KIAA1671: variants seen among roughly 807,000 people sequenced by gnomAD.
The protein encoded by KIAA1671 is uncharacterized protein KIAA1671.
Under a neutral mutation model 131.2 loss-of-function variants are expected in KIAA1671, and 52 were observed. The observed-to-expected ratio is 0.40, with a 90% CI of 0.32 to 0.50. The LOEUF (loss-of-function observed/expected upper bound fraction) is 0.50, where lower values mean the gene tolerates loss of function less well. Ranked by LOEUF, KIAA1671 falls within the 20% of genes least tolerant of loss-of-function variation. The pLI is 0.73. For synonymous variants in KIAA1671, 1,003 were observed against 961.6 expected, an observed-to-expected ratio of 1.04 and a Z score of -0.80; for missense variants, 2,360 against 2,364.2, an observed-to-expected ratio of 1.00 and a Z score of 0.04.
chr22:25,022,104 A>G (rs1056705068), intron 1 of KIAA1671, among the ~76,000 whole-genome samples: 10 of 152,248 alleles, frequency 6.6e-5, no homozygotes, highest in Non-Finnish European at 1.2e-4. Context: ...GGCTCACTGC[A>G]CAGGATGGAT....
intron 9 of KIAA1671, among the ~76,000 whole-genome samples, chr22:25,180,927 C>T (rs1165080395): frequency 2.0e-5 from 3 of 152,204 alleles, no homozygotes; most frequent in East Asian, 1.9e-4. Context: ...CCAGCTGGAA[C>T]GTGGCAGCAG....
At chr22:25,015,848 T>A (rs1295391701) in intron 1 of KIAA1671, among the ~76,000 whole-genome samples, 1 of 151,848 alleles carries the variant, frequency 6.6e-6, no homozygotes, top group Non-Finnish European at 1.5e-5. Flanking sequence ...CTGATGGAAT[T>A]TACACAGGAG....
At chr22:24,993,108 CAGTTA>C (rs1004118326) in intron 1 of KIAA1671, among the ~76,000 whole-genome samples, 1 of 152,062 alleles carries the variant, frequency 6.6e-6, no homozygotes, top group Non-Finnish European at 1.5e-5. Flanking sequence ...TTGAAGCCAG[CAGTTA>C]TCACCTGGAT....
chr22:25,076,946 G>A (rs971366448), intron 6 of KIAA1671, among the ~76,000 whole-genome samples: 1 of 152,172 alleles, frequency 6.6e-6, no homozygotes, highest in Non-Finnish European at 1.5e-5. Flanking sequence ...GAAAGGCTAG[G>A]TATCTCCTCC....
chr22:25,093,840 C>CTCTCTCTCTT lies in KIAA1671; in HGVS notation c.4530+44485_4530+44486insTTCTCTCTCT, dbSNP rs1568951631. Among the ~76,000 whole-genome samples, 56 of 57,080 alleles carry CTCTCTCTCTT rather than the reference C, an allele frequency of 9.8e-4. 9 individuals carry two copies. The highest frequency in any genetic ancestry group is 2.2e-3 in the African/African-American group (39 of 17,414). The allele number at this position is 57,080 out of a possible 152,430, so 37.4% of individuals were successfully genotyped here. On this transcript the variant is annotated intron_variant, in intron 6 of 12. Coordinates refer to ENST00000358431, the MANE Select transcript of KIAA1671 (RefSeq NM_001145206.2). ...TCTCTCTCTTTCTCTCTCTGTCTGT[C>CTCTCTCTCTT]TCTCTCTCTCTCTCTCTCTCTCTCT...
chr22:24,976,171 C>A (rs935508691), intron 1 of KIAA1671, among the ~76,000 whole-genome samples: 1 of 152,210 alleles, frequency 6.6e-6, no homozygotes, highest in African/African-American at 2.4e-5. Context: ...GCACATCCCC[C>A]TGGGAAGGAT....
chr22:25,039,736 G>T lies in KIAA1671; in HGVS notation c.2606G>T (p.Ser869Ile), dbSNP rs1176021539. Residue 869 changes from serine to isoleucine, a missense_variant, in exon 5 of 13, where the codon AGC becomes ATC. By Grantham distance (142) the Ser-to-Ile change is moderately radical. Transcript: ENST00000358431. ...CATGAGGGGCCAGAGGGGGCCAGAA[G>T]CAAGCCAGGAGTGGGAGCAAGGGGC... ...SQHEGPEGAR[S>I]KPGVGARGPP... 6.7e-7 allele frequency: 1 copy of T among 1,501,736 alleles called. No individual in the cohort carries two copies. Among genetic ancestry groups the T allele is most frequent in the African/African-American group, 1.4e-5 (1 of 72,048 alleles). 93.0% of individuals were successfully genotyped at this position (1,501,736 alleles called of 1,614,324 possible). A position where few individuals can be genotyped will look rare whatever the true frequency, so the allele number is the denominator to read the frequency against.
chr22:25,023,690 C>G (rs1925791875), intron 1 of KIAA1671: 1 of 151,942 alleles, frequency 6.6e-6, no homozygotes, highest in Non-Finnish European at 1.5e-5. Context: ...TGCGGTGGCT[C>G]AATCCCAGCA....
intron 1 of KIAA1671, among the ~76,000 whole-genome samples, chr22:24,988,179 C>T (rs1046834919): frequency 3.3e-5 from 5 of 151,322 alleles, no homozygotes; most frequent in Admixed American, 2.0e-4. Context: ...ACTTGGGAGG[C>T]TGAGGCAGGA....
chr22:25,040,692 G>C lies in KIAA1671; in HGVS notation c.3562G>C (p.Gly1188Arg). The C allele has an allele frequency of 6.4e-7, 1 of 1,552,142 alleles. No homozygotes were observed. The highest frequency in any genetic ancestry group is 8.7e-7 in the Non-Finnish European group (1 of 1,147,086). The change falls in exon 5 of 13, where the codon GGT (glycine) becomes CGT (arginine). Residue 1188 changes from glycine to arginine, a missense_variant. Physicochemically the swap from Gly to Arg is moderately radical, Grantham distance 125. Coordinates refer to ENST00000358431, the MANE Select transcript of KIAA1671 (RefSeq NM_001145206.2). ...KTDVISDTFP[G>R]KIRDGYRSSV... ...TGATGTGATCAGTGACACGTTCCCA[G>C]GTAAAATCAGAGATGGCTACAGATC...
In KIAA1671 at chr22:25,178,242, G is replaced by A. The variant is rs560355225; in HGVS notation, c.5074+720G>A. ...GGAAAGAAGGAACTCAGCCCAGAGG[G>A]TGTGGGCAGGAGAGGCCTAGAGTCA... On this transcript the variant is annotated intron_variant, in intron 9 of 12. Transcript: ENST00000358431. Among the ~76,000 whole-genome samples, 169 of 152,290 alleles carry A rather than the reference G, an allele frequency of 1.1e-3. 2 individuals are homozygous for A. The South Asian group carries it at 0.029, about 26-fold the overall frequency.
At chr22:25,056,463 T>G (rs1372777534) in intron 6 of KIAA1671, 2 of 149,090 alleles carry the variant, frequency 1.3e-5, no homozygotes, top group Non-Finnish European at 3.0e-5. Context: ...TGGATTGACA[T>G]CTCCGTGCCT....
chr22:25,077,512 C>T lies in KIAA1671; in HGVS notation c.4530+28148C>T, dbSNP rs987997359. ...GCCCAGGGTCTGTGAGGCTGACTCTCGCAGGCTTCCTCTACTCCAGCCTCC... is the reference window on the plus strand; with the variant it reads ...GCCCAGGGTCTGTGAGGCTGACTCTTGCAGGCTTCCTCTACTCCAGCCTCC... On this transcript the variant is annotated intron_variant, in intron 6 of 12. Coordinates refer to ENST00000358431, the MANE Select transcript of KIAA1671 (RefSeq NM_001145206.2). 3.9e-5 allele frequency among the ~76,000 whole-genome samples: 6 copies of T among 152,218 alleles called. No homozygotes were observed. The South Asian group carries it at 6.2e-4, about 16-fold the overall frequency.
chr22:24,996,719 T>C (rs1924158754), intron 1 of KIAA1671, among the ~76,000 whole-genome samples: 1 of 152,150 alleles, frequency 6.6e-6, no homozygotes. Context: ...TCGTGTCCCT[T>C]GGAAGCCAGT....
intron 6 of KIAA1671, among the ~76,000 whole-genome samples, chr22:25,130,994 A>G (rs1355520796): frequency 6.6e-6 from 1 of 152,196 alleles, no homozygotes; most frequent in Non-Finnish European, 1.5e-5. Flanking sequence ...TTTTTTTTCT[A>G]AAGCTCAAAA....
At chr22:25,051,497 A>G (rs1288325788) in intron 6 of KIAA1671, 2 of 152,164 alleles carry the variant, frequency 1.3e-5, no homozygotes, top group Non-Finnish European at 2.9e-5. Flanking sequence ...TAAATTCTCA[A>G]TGTCTCAACT....
At chr22:25,151,073 A>T (rs981493963) in intron 6 of KIAA1671, among the ~76,000 whole-genome samples, 1 of 151,672 alleles carries the variant, frequency 6.6e-6, no homozygotes, top group Non-Finnish European at 1.5e-5. Context: ...TGACCTCATG[A>T]TCCGCCTGCC....
intron 6 of KIAA1671, among the ~76,000 whole-genome samples, chr22:25,095,606 G>A (rs1160020499): frequency 2.6e-5 from 4 of 152,098 alleles, no homozygotes; most frequent in African/African-American, 4.8e-5. Flanking sequence ...AGCTGAGGTC[G>A]CGCCACTGCA....
chr22:25,015,342 G>A (rs908828769), intron 1 of KIAA1671, among the ~76,000 whole-genome samples: 1 of 151,918 alleles, frequency 6.6e-6, no homozygotes, highest in African/African-American at 2.4e-5. Context: ...CAGTGGGCTA[G>A]TTTGGCCTGT....
Sources: allele counts gnomAD v4.1 joint callset (sites outside exome capture counted in the v4.1 genomes callset), GRCh38; gene constraint gnomAD v4.1.1; transcripts MANE v1.5; gene names NCBI Gene and HGNC (gene_info 2026-07-23, HGNC 2026-07-21).